Variants in IPMK observed in about 807,000 individuals in gnomAD.
The protein encoded by IPMK is inositol 1,3,4,6-tetrakisphosphate 5-kinase.
In IPMK, 17 loss-of-function variants were observed where a neutral mutation model predicts 45.8. The ratio of observed to expected loss-of-function variants is 0.37; its 90% CI spans 0.25 to 0.56. IPMK has a LOEUF of 0.56. IPMK is among the 20% of genes least tolerant of loss of function. IPMK has a pLI of 0.79. For synonymous variants in IPMK, 180 were observed against 184.3 expected (o/e 0.98, Z 0.19); for missense variants, 399 against 498.0 (o/e 0.80, Z 1.89).
chr10:58,195,361 A>G lies in IPMK; in HGVS notation c.*715T>C, dbSNP rs1378704380. The G allele has an allele frequency of 1.3e-5, 2 of 152,120 alleles. No individual in the cohort carries two copies. The highest frequency in any genetic ancestry group is 2.4e-5 in the African/African-American group (1 of 41,454). The allele number at this position is 152,120 out of a possible 1,614,324, so 9.4% of individuals were successfully genotyped here. ...GAAAATATTTTGTTCCTTGAAAATAATATCTCTCTTCCCCTAACCCCAGTA... is the reference window on the plus strand; with the variant it reads ...GAAAATATTTTGTTCCTTGAAAATAGTATCTCTCTTCCCCTAACCCCAGTA... On this transcript the variant is annotated 3_prime_UTR_variant, in exon 6 of 6. Transcript: ENST00000373935.
intron 1 of IPMK, among the ~76,000 whole-genome samples, chr10:58,240,276 T>G (rs1402260557): frequency 6.6e-6 from 1 of 151,198 alleles, no homozygotes; most frequent in Non-Finnish European, 1.5e-5. Context: ...TGGGATTTAA[T>G]CAACAGATAA....
chr10:58,196,008 G>A lies in IPMK; in HGVS notation c.*68C>T. 3 of 1,420,142 alleles carry A rather than the reference G, an allele frequency of 2.1e-6. No homozygotes were observed. The allele number at this position is 1,420,142 out of a possible 1,614,324, so 88.0% of individuals were successfully genotyped here. A position where few individuals can be genotyped will look rare whatever the true frequency, so the allele number is the denominator to read the frequency against. Reference sequence around the variant, plus strand: ...TACAAATTTTTTACATAGCATTAAAGGTGCAGATATTGACTGCCCCTCTTC... The same window carrying A: ...TACAAATTTTTTACATAGCATTAAAAGTGCAGATATTGACTGCCCCTCTTC... On this transcript the variant is annotated 3_prime_UTR_variant, in exon 6 of 6. Transcript: ENST00000373935.
rs115450571 is a variant in IPMK at position 58,209,650 on chromosome 10, G to A, written c.546+6495C>T. Among the ~76,000 whole-genome samples, 966 of 152,332 alleles carry A rather than the reference G, an allele frequency of 6.3e-3. 10 individuals carry two copies. Among genetic ancestry groups the A allele is most frequent in the African/African-American group, 0.022 (919 of 41,576 alleles). On this transcript the variant is annotated intron_variant, in intron 4 of 5. Transcript: ENST00000373935. ...AACAGCACCTGCTCTAGTGGAGGTG[G>A]CAGGGGAGTGAGGTAGACTCTGTGA...
At chr10:58,229,331 G>A (rs913348848) in intron 2 of IPMK, among the ~76,000 whole-genome samples, 1 of 152,034 alleles carries the variant, frequency 6.6e-6, no homozygotes. Flanking sequence ...TGAGGTAGGT[G>A]GATCACCTGA....
At chr10:58,226,612 C>T (rs1190846153) in intron 3 of IPMK, among the ~76,000 whole-genome samples, 1 of 152,102 alleles carries the variant, frequency 6.6e-6, no homozygotes, top group East Asian at 1.9e-4. Context: ...CTCTATGAAA[C>T]TTACCAGTGC....
chr10:58,194,664 T>G lies in IPMK; in HGVS notation c.*1412A>C, dbSNP rs1260016332. ...AGGTGCTCGGATTTAAAAATTCAAT[T>G]TGTAACTCCAGAAGAAAAAGAGGAG... On this transcript the variant is annotated 3_prime_UTR_variant, in exon 6 of 6. Coordinates refer to ENST00000373935, the MANE Select transcript of IPMK (RefSeq NM_152230.5). 2 of 151,876 alleles carry G rather than the reference T, an allele frequency of 1.3e-5. No homozygotes were observed. Among genetic ancestry groups the G allele is most frequent in the Non-Finnish European group, 2.9e-5 (2 of 67,816 alleles). 9.4% of individuals were successfully genotyped at this position (151,876 alleles called of 1,614,324 possible). A position where few individuals can be genotyped will look rare whatever the true frequency, so the allele number is the denominator to read the frequency against.
At chr10:58,223,574 T>G (rs1838369446) in intron 3 of IPMK, among the ~76,000 whole-genome samples, 1 of 152,162 alleles carries the variant, frequency 6.6e-6, no homozygotes, top group Non-Finnish European at 1.5e-5. Flanking sequence ...CTACTAGGTA[T>G]CAGCTACCAT....
Position 58,194,162 on chromosome 10 carries a change from C to A in IPMK, c.*1914G>T, listed in dbSNP as rs1837857699. 1 of 151,708 alleles carries A rather than the reference C, an allele frequency of 6.6e-6. No individual in the cohort carries two copies. The highest frequency in any genetic ancestry group is 2.1e-4 in the South Asian group (1 of 4,824). 9.4% of individuals were successfully genotyped at this position (151,708 alleles called of 1,614,324 possible). ...TGACAATACTTAAGTTTATTAAATT[C>A]ATTGTACATAGGTTGATATCATCCC... On this transcript the variant is annotated 3_prime_UTR_variant, in exon 6 of 6. Coordinates refer to ENST00000373935, the MANE Select transcript of IPMK (RefSeq NM_152230.5).
rs145836113 is a variant in IPMK, at chr10:58,215,973, A to C, written c.546+172T>G. Among the ~76,000 whole-genome samples, 46 of 152,230 alleles carry C rather than the reference A, an allele frequency of 3.0e-4. 1 individual carries two copies. The highest frequency in any genetic ancestry group is 5.8e-4 in the East Asian group (3 of 5,192). On this transcript the variant is annotated intron_variant, in intron 4 of 5. Transcript: ENST00000373935. Reference sequence around the variant, plus strand: ...AAACTGACCATATATCAGTGAACAAAAAAAAAAAATTTTTTAATCCTTGCC... The same window carrying C: ...AAACTGACCATATATCAGTGAACAACAAAAAAAAATTTTTTAATCCTTGCC...
chr10:58,222,657 C>T (rs1838354962), intron 3 of IPMK, among the ~76,000 whole-genome samples: 1 of 152,082 alleles, frequency 6.6e-6, no homozygotes, highest in Admixed American at 6.5e-5. Context: ...TGGCTAATAA[C>T]CTATCACTTA....
At chr10:58,217,156 C>CTTTTTTTTTTTT (rs58314639) in intron 3 of IPMK, among the ~76,000 whole-genome samples, 1 of 102,932 alleles carries the variant, frequency 9.7e-6, no homozygotes, top group African/African-American at 3.9e-5. Flanking sequence ...GCCCATCTTG[C>CTTTTTTTTTTTT]TTTTTTTTTT....
intron 2 of IPMK, among the ~76,000 whole-genome samples, chr10:58,232,073 G>A (rs1018323996): frequency 6.6e-6 from 1 of 152,074 alleles, no homozygotes; most frequent in Non-Finnish European, 1.5e-5. Context: ...GATCAAAAGA[G>A]ACAAAGAAGG....
intron 3 of IPMK, 27 bp downstream of exon 3, chr10:58,227,016 G>T: frequency 6.7e-7 from 1 of 1,497,272 alleles, no homozygotes; most frequent in Non-Finnish European, 9.3e-7. Context: ...AATTAAAACT[G>T]AAAGATAATT....
chr10:58,235,426 T>A (rs932573504), intron 2 of IPMK, among the ~76,000 whole-genome samples: 18 of 152,166 alleles, frequency 1.2e-4, no homozygotes, highest in African/African-American at 3.4e-4. Flanking sequence ...CAAATGTCCC[T>A]CAATGATAGA....
At chr10:58,250,696 A>G (rs1451031869) in intron 1 of IPMK, among the ~76,000 whole-genome samples, 1 of 152,154 alleles carries the variant, frequency 6.6e-6, no homozygotes, top group Non-Finnish European at 1.5e-5. Flanking sequence ...TTCCACTCCT[A>G]GGAGTAGGAC....
intron 2 of IPMK, 143 bp from the exon 3 acceptor site, chr10:58,227,282 T>C: frequency 1.7e-6 from 1 of 593,946 alleles, no homozygotes; most frequent in Admixed American, 3.0e-5. Context: ...GCAAAAAATA[T>C]TACTGTGTGT....
intron 4 of IPMK, among the ~76,000 whole-genome samples, chr10:58,201,174 T>C (rs952969070): frequency 1.3e-5 from 2 of 152,148 alleles, no homozygotes; most frequent in Non-Finnish European, 2.9e-5. Context: ...ATAAGTATAA[T>C]ATGATATCTT....
At chr10:58,248,747 G>A (rs143842490) in intron 1 of IPMK, among the ~76,000 whole-genome samples, 1,629 of 152,212 alleles carry the variant, frequency 0.011, 16 homozygotes, top group Non-Finnish European at 0.015. Flanking sequence ...CTACCACCAT[G>A]AGATCAATGT....
At chr10:58,245,978 C>G (rs1838793431) in intron 1 of IPMK, among the ~76,000 whole-genome samples, 1 of 135,038 alleles carries the variant, frequency 7.4e-6, no homozygotes, top group Non-Finnish European at 1.5e-5. Context: ...AATCAACGTA[C>G]AAAAATCACA....
Sources: gnomAD v4.1 joint callset for allele counts (sites outside exome capture counted in the v4.1 genomes callset) on GRCh38, gnomAD v4.1.1 for gene constraint, MANE v1.5 for transcripts, NCBI Gene and HGNC (gene_info 2026-07-23, HGNC 2026-07-21) for gene names.